The following SEMA4G variants were observed in gnomAD, a reference collection of about 807,000 sequenced individuals.
SEMA4G encodes semaphorin-4G.
A neutral mutation model predicts 81.2 loss-of-function variants in SEMA4G; 59 were observed. That is an observed-to-expected ratio of 0.73 (90% CI 0.59 to 0.90). SEMA4G has a LOEUF of 0.90. Among genes scored for constraint, SEMA4G ranks in the 40% least tolerant of loss-of-function variants. The pLI, the probability that SEMA4G is intolerant of heterozygous loss-of-function variation, is 0.00. For synonymous variants in SEMA4G, 404 were observed against 433.9 expected (o/e 0.93, Z 0.86); for missense variants, 952 against 1,102.3 (o/e 0.86, Z 1.93).
rs772130257 is a variant in SEMA4G at position 100,980,915 on chromosome 10, C to T, written c.1561C>T (p.Arg521Ter). ...ATCCTGCTATGACTGCATCTTGGCC[C>T]GAGACCCCTACTGTGGCTGGGACCC... is the stretch of plus-strand genomic sequence containing the variant. Residue 521 changes from arginine to a stop codon, truncating the protein, a stop_gained, in exon 12 of 14, where the codon CGA becomes TGA. Transcript: ENST00000370250. LOFTEE classifies it high-confidence loss of function. 2.4e-5 allele frequency: 38 copies of T among 1,612,338 alleles called. 1 individual carries two copies. Among genetic ancestry groups the T allele is most frequent in the South Asian group, 3.3e-5 (3 of 91,002 alleles).
exon 8 of SEMA4G, chr10:100,979,182 G>A: frequency 6.2e-7 from 1 of 1,614,190 alleles, no homozygotes; most frequent in Non-Finnish European, 8.5e-7. Flanking sequence ...ACATTCCACT[G>A]TATGAGACAC....
upstream of SEMA4G, chr10:100,969,874 C>T (rs972038592): frequency 2.2e-6 from 1 of 455,918 alleles, no homozygotes; most frequent in Non-Finnish European, 4.4e-6. Flanking sequence ...TCCCGGCGTC[C>T]GGCGGGATCG....
Position 100,978,520 on chromosome 10 carries a change from A to T in SEMA4G, c.530-7A>T. 6.2e-7 allele frequency: 1 copy of T among 1,613,254 alleles called. No homozygotes were observed. The highest frequency in any genetic ancestry group is 8.5e-7 in the Non-Finnish European group (1 of 1,179,468). On this transcript the variant is annotated splice_region_variant and splice_polypyrimidine_tract_variant and intron_variant, in intron 5 of 13. Transcript: ENST00000370250. The stretch of plus-strand genomic sequence containing the variant: ...TGTCTCTCATGCCTGGAATATCCCC[A>T]CGCCAGATGGAGGCCTCTACACAGC...
At chr10:100,983,435 G>A (rs977978033) in exon 14 of SEMA4G, 1 of 1,613,868 alleles carries the variant, frequency 6.2e-7, no homozygotes, top group South Asian at 1.1e-5. Flanking sequence ...GCGATGGGCA[G>A]GGTGGCTACC....
chr10:100,979,956 CT>C lies in SEMA4G; in HGVS notation c.1093del (p.Tyr365MetfsTer37). On this transcript the variant is annotated frameshift_variant, in exon 9 of 14. Transcript: ENST00000370250. LOFTEE classifies it high-confidence loss of function. ...AGGATGGTTCCCGGCGCTGGGGTCG[CT>C]ATGAGGGTGGGGTGCCTGAGCCCCG... 6.2e-7 allele frequency: 1 copy of C among 1,614,116 alleles called. No homozygotes were observed. The highest frequency in any genetic ancestry group is 8.5e-7 in the Non-Finnish European group (1 of 1,180,024).
At chr10:100,981,476 G>A in intron 13 of SEMA4G, 1 of 1,614,216 alleles carries the variant, frequency 6.2e-7, no homozygotes, top group South Asian at 1.1e-5. Context: ...TAGCCAAGTA[G>A]TGGATGACAA....
At chr10:100,979,880 A>G (rs1187494537) in exon 9 of SEMA4G, 2 of 1,613,862 alleles carry the variant, frequency 1.2e-6, no homozygotes, top group African/African-American at 2.7e-5. Context: ...ATCTGCCGCT[A>G]TGACCTGGCA....
At chr10:100,982,062 CAA>C (rs34646595) in intron 13 of SEMA4G, among the ~76,000 whole-genome samples, 12 of 126,810 alleles carry the variant, frequency 9.5e-5, no homozygotes, top group Admixed American at 1.7e-4. Flanking sequence ...CATCTCATCT[CAA>C]AAAAAAAAAA....
At chr10:100,984,343 C>G in exon 14 of SEMA4G, 1 of 1,441,478 alleles carries the variant, frequency 6.9e-7, no homozygotes, top group Non-Finnish European at 9.1e-7. Flanking sequence ...CCAGGCCCAT[C>G]GGTGCTCCTC....
chr10:100,970,390 TGGA>T (rs1564790863), upstream of SEMA4G, among the ~76,000 whole-genome samples: 1 of 150,472 alleles, frequency 6.6e-6, no homozygotes, highest in African/African-American at 2.5e-5. Context: ...TACATAGGGG[TGGA>T]GGAGTACTAA....
chr10:100,980,347 G>GC lies in SEMA4G; in HGVS notation c.1351+4dup. ...TGACCTGCTCTTTCTGGGCACAGGT[G>GC]CTTCTGATCCCAATCCCTGATCCCT... On this transcript the variant is annotated splice_donor_region_variant and intron_variant, in intron 10 of 13. Coordinates refer to ENST00000370250, the Ensembl canonical transcript of SEMA4G. 6.2e-7 allele frequency: 1 copy of GC among 1,612,598 alleles called. No individual in the cohort carries two copies. The highest frequency in any genetic ancestry group is 1.1e-5 in the South Asian group (1 of 91,038).
At chr10:100,984,848 T>G (rs1207413139), downstream of SEMA4G, 1 of 1,502,796 alleles carries the variant, frequency 6.7e-7, no homozygotes, top group Non-Finnish European at 8.9e-7. Context: ...GTGTGGCCCT[T>G]GTGAATCAGC....
Position 100,973,179 on chromosome 10 carries a change from C to T in SEMA4G, c.175C>T (p.Leu59=), listed in dbSNP as rs779253360. 1.9e-6 allele frequency: 3 copies of T among 1,613,952 alleles called. No individual in the cohort carries two copies. The highest frequency in any genetic ancestry group is 1.7e-6 in the Non-Finnish European group (2 of 1,180,044). ...GGGCCAAGCCCAGAACTACTCAACACTGCTGCTGGAGGAGGCCTCAGCAAG... is the reference window on the plus strand; with the variant it reads ...GGGCCAAGCCCAGAACTACTCAACATTGCTGCTGGAGGAGGCCTCAGCAAG... Residue 59 remains leucine, a synonymous_variant, in exon 2 of 14, where the codon CTG becomes TTG. Coordinates refer to ENST00000370250, the Ensembl canonical transcript of SEMA4G. The surrounding 1 kb of genome is among the most constrained non-coding windows in gnomAD (Gnocchi z 5.5).
At chr10:100,980,965 C>A in exon 12 of SEMA4G, 1 of 1,604,484 alleles carries the variant, frequency 6.2e-7, no homozygotes, top group Non-Finnish European at 8.5e-7. Flanking sequence ...GCGCAGCAGC[C>A]ACCACCATAG....
chr10:100,979,067 C>T (rs1850930897), intron 7 of SEMA4G, 35 bp from the exon 9 acceptor site: 1 of 1,613,070 alleles, frequency 6.2e-7, no homozygotes, highest in Non-Finnish European at 8.5e-7. Context: ...GGACCTCTGA[C>T]CCTGGCCCCT....
intron 4 of SEMA4G, 116 bp downstream of exon 5, chr10:100,977,846 G>T: frequency 1.1e-6 from 1 of 888,154 alleles, no homozygotes. Context: ...TTTATTAAGG[G>T]GACTTCCATA....
chr10:100,978,111 A>G (rs1006052418), intron 4 of SEMA4G, 184 bp from the exon 6 acceptor site: 1 of 595,592 alleles, frequency 1.7e-6, no homozygotes, highest in Admixed American at 3.0e-5. Flanking sequence ...AACTCCAAAC[A>G]TACATTGTTT....
At chr10:100,983,607 C>T (rs1378378322) in exon 14 of SEMA4G, 1 of 1,614,134 alleles carries the variant, frequency 6.2e-7, no homozygotes, top group Admixed American at 1.7e-5. Context: ...CCCTGCCACA[C>T]CTGGGGCACA....
upstream of SEMA4G, among the ~76,000 whole-genome samples, chr10:100,972,012 C>T (rs1229801592): frequency 6.6e-6 from 1 of 152,006 alleles, no homozygotes; most frequent in Non-Finnish European, 1.5e-5. Context: ...TGTGCACCCC[C>T]TTGGAGAGGA....
Sources: allele counts gnomAD v4.1 joint callset (sites outside exome capture counted in the v4.1 genomes callset), GRCh38; gene constraint gnomAD v4.1.1; non-coding constraint Gnocchi (gnomAD v3.1); transcripts MANE v1.5; gene names NCBI Gene and HGNC (gene_info 2026-07-23, HGNC 2026-07-21).